Variants in USP54 observed in about 807,000 individuals in gnomAD.
The protein encoded by USP54 is ubiquitin carboxyl-terminal hydrolase 54.
In USP54, 87 loss-of-function variants were observed where a neutral mutation model predicts 170.5. That is an observed-to-expected ratio of 0.51 (90% CI 0.43 to 0.61). The LOEUF (loss-of-function observed/expected upper bound fraction) is 0.61, where lower values mean the gene tolerates loss of function less well. USP54 is among the 20% of genes least tolerant of loss of function. The pLI, the probability that USP54 is intolerant of heterozygous loss-of-function variation, is 0.00. For missense variants in USP54, 1,786 were observed against 2,047.8 expected, an observed-to-expected ratio of 0.87 and a Z score of 2.47; for synonymous variants, 655 against 742.8, an observed-to-expected ratio of 0.88 and a Z score of 1.92.
chr10:73,597,865 AC>A (rs1267885246), intron 1 of USP54, among the ~76,000 whole-genome samples: 2 of 152,106 alleles, frequency 1.3e-5, no homozygotes, highest in African/African-American at 2.4e-5. Flanking sequence ...CGGGTGGATC[AC>A]CTGAGGTTAG....
chr10:73,593,484 A>AT (rs1274477762), upstream of USP54, among the ~76,000 whole-genome samples: 1 of 152,020 alleles, frequency 6.6e-6, no homozygotes, highest in Non-Finnish European at 1.5e-5. Flanking sequence ...TCAGATTATT[A>AT]TTTTTTAAAA....
intron 1 of USP54, among the ~76,000 whole-genome samples, chr10:73,584,040 G>C (rs2077192208): frequency 6.6e-6 from 1 of 152,138 alleles, no homozygotes. Context: ...TGAGGCATTT[G>C]GGAAATAAAT....
intron 1 of USP54, among the ~76,000 whole-genome samples, chr10:73,617,997 G>A (rs2080782346): frequency 6.6e-6 from 1 of 150,382 alleles, no homozygotes; most frequent in Non-Finnish European, 1.5e-5. Flanking sequence ...GATCATCTGA[G>A]GTCAGGAGTT....
chr10:73,595,798 A>T (rs1335323310), upstream of USP54, among the ~76,000 whole-genome samples: 3 of 152,150 alleles, frequency 2.0e-5, no homozygotes, highest in Non-Finnish European at 2.9e-5. Flanking sequence ...CCAAAGAATT[A>T]CCTAAATGCT....
chr10:73,511,370 T>C (rs1330060396), intron 20 of USP54, among the ~76,000 whole-genome samples: 1 of 151,776 alleles, frequency 6.6e-6, no homozygotes. Context: ...TTTGAAAAAC[T>C]AATTTGGTGG....
intron 1 of USP54, among the ~76,000 whole-genome samples, chr10:73,623,286 T>G (rs1262148141): frequency 6.6e-6 from 1 of 152,038 alleles, no homozygotes; most frequent in East Asian, 1.9e-4. Flanking sequence ...CTCAGGAGGC[T>G]GAGGTGGGAG....
chr10:73,564,266 G>A (rs2073793317), intron 4 of USP54, among the ~76,000 whole-genome samples: 1 of 152,202 alleles, frequency 6.6e-6, no homozygotes, highest in African/African-American at 2.4e-5. Context: ...CTCCCAGAGT[G>A]CTGAGGTTAG....
intron 5 of USP54, among the ~76,000 whole-genome samples, chr10:73,544,027 C>T (rs982404354): frequency 2.6e-5 from 4 of 151,920 alleles, no homozygotes; most frequent in African/African-American, 9.7e-5. Context: ...ACTGCAACCT[C>T]TACCTCCCGG....
intron 1 of USP54, among the ~76,000 whole-genome samples, chr10:73,602,855 C>CAAAAA (rs60433926): frequency 2.7e-4 from 11 of 41,396 alleles, no homozygotes; most frequent in South Asian, 9.9e-4. Context: ...GACTCTGTCT[C>CAAAAA]AAAAAAAAAA....
chr10:73,615,740 G>C (rs920921739), intron 1 of USP54, among the ~76,000 whole-genome samples: 1 of 149,882 alleles, frequency 6.7e-6, no homozygotes, highest in Non-Finnish European at 1.5e-5. Context: ...GGGCAACATA[G>C]CAAAACCCTT....
chr10:73,603,697 G>A (rs1014667850), intron 1 of USP54, among the ~76,000 whole-genome samples: 4 of 150,498 alleles, frequency 2.7e-5, no homozygotes, highest in Admixed American at 1.3e-4. Flanking sequence ...GCAGTGAGCC[G>A]AGATCACACC....
intron 3 of USP54, 105 bp downstream of exon 3, chr10:73,575,407 C>A (rs1447838786): frequency 1.5e-6 from 2 of 1,296,810 alleles, no homozygotes; most frequent in Admixed American, 3.2e-5. Flanking sequence ...AGGTTACTAA[C>A]CTCAAACAGA....
intron 20 of USP54, 120 bp downstream of exon 20, chr10:73,516,255 C>G (rs2061057161): frequency 8.7e-7 from 1 of 1,147,550 alleles, no homozygotes; most frequent in Non-Finnish European, 1.2e-6. Flanking sequence ...GTCAAAAGTT[C>G]TATTACCTCC....
chr10:73,549,915 C>T (rs1399947583), intron 4 of USP54, among the ~76,000 whole-genome samples: 1 of 152,100 alleles, frequency 6.6e-6, no homozygotes, highest in Non-Finnish European at 1.5e-5. Context: ...CCTACGATTC[C>T]ACTTCTCTTT....
intron 4 of USP54, among the ~76,000 whole-genome samples, chr10:73,557,509 C>T (rs1234274995): frequency 1.3e-4 from 19 of 147,104 alleles, no homozygotes; most frequent in South Asian, 2.2e-4. Context: ...TTTTTTGAGA[C>T]GGAGTCTCAC....
chr10:73,520,778 G>C, intron 18 of USP54, 130 bp downstream of exon 18: 1 of 1,317,784 alleles, frequency 7.6e-7, no homozygotes, highest in South Asian at 1.4e-5. Context: ...CAGCTAACGC[G>C]ACTCAGTTTG....
chr10:73,605,740 G>A (rs1182290337), intron 1 of USP54, among the ~76,000 whole-genome samples: 5 of 152,018 alleles, frequency 3.3e-5, no homozygotes, highest in Non-Finnish European at 7.4e-5. Context: ...AGTCACAACA[G>A]GACAAATACC....
At position 73,530,519 on chromosome 10, in the gene USP54, T is replaced by A; in HGVS notation, c.1452A>T (p.Glu484Asp). The change falls in exon 14 of 24, where the codon GAA becomes GAT. Residue 484 changes from glutamate (E) to aspartate (D), a missense_variant. By Grantham distance (45) the Glu-to-Asp change is conservative. This residue lies in a region of USP54 where 1,418 missense variants were observed against 1,569.0 expected (regional missense o/e 0.90). Coordinates refer to ENST00000687698, the MANE Select transcript of USP54 (RefSeq NM_001391956.1). The stretch of plus-strand genomic sequence containing the variant: ...TAGGAGCCTGCTTCTCTTTCAGTGT[T>A]TCTCCTAAAAACACAAAGAATGAAA... The part of the protein sequence containing the change: ...PQASGYHSEG[E>D]TLKEKQAPRN... 6.2e-7 allele frequency: 1 copy of A among 1,605,342 alleles called. No homozygotes were observed. Among genetic ancestry groups the A allele is most frequent in the Non-Finnish European group, 8.5e-7 (1 of 1,177,284 alleles).
chr10:73,545,954 T>C (rs1261672275), intron 4 of USP54, among the ~76,000 whole-genome samples: 1 of 152,222 alleles, frequency 6.6e-6, no homozygotes, highest in Non-Finnish European at 1.5e-5. Flanking sequence ...AGTTACCTCA[T>C]TTCCTCTTCC....
Sources: gnomAD v4.1 joint callset for allele counts (sites outside exome capture counted in the v4.1 genomes callset) on GRCh38, gnomAD v4.1.1 for gene constraint, gnomAD v4.1.1 regional missense constraint, MANE v1.5 for transcripts, NCBI Gene and HGNC (gene_info 2026-07-23, HGNC 2026-07-21) for gene names.